The following BCAT1 variants were observed in gnomAD, a reference collection of about 807,000 sequenced individuals.
BCAT1 encodes branched-chain-amino-acid aminotransferase, cytosolic.
In BCAT1, 48 loss-of-function variants were observed where a neutral mutation model predicts 52.4. The observed-to-expected ratio is 0.92, with a 90% CI of 0.73 to 1.16. The LOEUF (loss-of-function observed/expected upper bound fraction) is 1.16. BCAT1 is among the 50% of genes most tolerant of loss of function. The pLI is 0.00. For synonymous variants in BCAT1, 167 were observed against 161.3 expected, an observed-to-expected ratio of 1.04 and a Z score of -0.27; for missense variants, 451 against 457.1, an observed-to-expected ratio of 0.99 and a Z score of 0.12.
intron 1 of BCAT1, among the ~76,000 whole-genome samples, chr12:24,941,682 A>G (rs941025147): frequency 6.6e-5 from 10 of 152,212 alleles, no homozygotes; most frequent in African/African-American, 2.4e-5. Context: ...TTCATGCTAC[A>G]ACAGAGGAAA....
chr12:24,899,777 GA>G (rs72262709), intron 2 of BCAT1, among the ~76,000 whole-genome samples: 144 of 133,968 alleles, frequency 1.1e-3, no homozygotes, highest in African/African-American at 2.8e-3. Flanking sequence ...GCCAAACACA[GA>G]AAAAAAAAAA....
chr12:24,812,605 T>C lies in BCAT1; in HGVS notation c.*5403A>G, dbSNP rs1030413531. The C allele has an allele frequency of 7.2e-5, 11 of 152,182 alleles. No individual in the cohort carries two copies. Among genetic ancestry groups the C allele is most frequent in the Middle Eastern group, 3.4e-3 (1 of 294 alleles). The allele number at this position is 152,182 out of a possible 1,614,324, so 9.4% of individuals were successfully genotyped here. On this transcript the variant is annotated 3_prime_UTR_variant, in exon 11 of 11. Coordinates refer to ENST00000261192, the MANE Select transcript of BCAT1 (RefSeq NM_005504.7). ...GCATTATTTGTATTTAGCAACTACA[T>C]TGAAAGCTGAAGAAGATCTCAATGC...
chr12:24,872,012 T>C (rs1406044549), intron 5 of BCAT1, among the ~76,000 whole-genome samples: 1 of 152,214 alleles, frequency 6.6e-6, no homozygotes, highest in African/African-American at 2.4e-5. Context: ...ATTAAATGTA[T>C]AGACAGTACC....
chr12:24,864,481 G>T (rs1371965312), intron 5 of BCAT1, among the ~76,000 whole-genome samples: 3 of 152,176 alleles, frequency 2.0e-5, no homozygotes, highest in Non-Finnish European at 4.4e-5. Context: ...GACCGTGCAA[G>T]GTGGGGGTTG....
At chr12:24,946,915 T>G (rs964103148) in intron 1 of BCAT1, among the ~76,000 whole-genome samples, 1 of 152,188 alleles carries the variant, frequency 6.6e-6, no homozygotes, top group Non-Finnish European at 1.5e-5. Flanking sequence ...AGGAAAAATA[T>G]TTTTCCCCTT....
chr12:24,884,022 T>C lies in BCAT1; in HGVS notation c.280-2611A>G, dbSNP rs775840391. ...GTTTGGGGACCCTTATCCAAAGGAA[T>C]TGAAATCAGCATGAGGTATCTGTGC... On this transcript the variant is annotated intron_variant, in intron 3 of 10. Transcript: ENST00000261192. 1.9e-4 allele frequency among the ~76,000 whole-genome samples: 29 copies of C among 152,206 alleles called. 1 individual carries two copies. Among genetic ancestry groups the C allele is most frequent in the Non-Finnish European group, 4.1e-4 (28 of 68,034 alleles).
In BCAT1 at chr12:24,816,391, T is replaced by C. The variant is rs1939876296; in HGVS notation, c.*1617A>G. 5.0e-6 allele frequency: 2 copies of C among 396,718 alleles called. No homozygotes were observed. Among genetic ancestry groups the C allele is most frequent in the East Asian group, 3.6e-5 (1 of 27,996 alleles). The allele number at this position is 396,718 out of a possible 1,614,324, so 24.6% of individuals were successfully genotyped here. On this transcript the variant is annotated 3_prime_UTR_variant, in exon 11 of 11. Transcript: ENST00000261192. ...TGAGAGTTGACCTTCCAAGGAAAAA[T>C]GTTTTCTGTCAAGATTTGACTTTCC...
intron 1 of BCAT1, among the ~76,000 whole-genome samples, chr12:24,906,760 C>G (rs1052546514): frequency 2.0e-5 from 3 of 152,180 alleles, no homozygotes; most frequent in Non-Finnish European, 4.4e-5. Context: ...AGAAACATAG[C>G]AGTTGTCCCT....
intron 7 of BCAT1, among the ~76,000 whole-genome samples, chr12:24,840,546 G>A (rs1479728200): frequency 6.6e-6 from 1 of 152,198 alleles, no homozygotes; most frequent in Admixed American, 6.5e-5. Flanking sequence ...GGAAGGATGA[G>A]AATGATCTGT....
At chr12:24,913,687 CA>C (rs1261536982) in intron 1 of BCAT1, among the ~76,000 whole-genome samples, 1 of 151,952 alleles carries the variant, frequency 6.6e-6, no homozygotes, top group Non-Finnish European at 1.5e-5. Flanking sequence ...TATGATTGGA[CA>C]AAAAAGGTAT....
chr12:24,890,596 TGTCAC>T (rs1942810435), intron 3 of BCAT1, among the ~76,000 whole-genome samples: 1 of 152,126 alleles, frequency 6.6e-6, no homozygotes, highest in East Asian at 1.9e-4. Context: ...CTCCTACCAG[TGTCAC>T]GACAATTTAC....
intron 1 of BCAT1, among the ~76,000 whole-genome samples, chr12:24,937,168 G>A (rs1376794025): frequency 2.0e-5 from 3 of 152,182 alleles, no homozygotes; most frequent in African/African-American, 7.2e-5. Flanking sequence ...TGAGATGAGG[G>A]CACTGAAAGC....
intron 4 of BCAT1, among the ~76,000 whole-genome samples, chr12:24,878,887 T>C (rs575709574): frequency 1.3e-5 from 2 of 152,230 alleles, no homozygotes; most frequent in Admixed American, 1.3e-4. Flanking sequence ...CTCATAAATA[T>C]GTATAATTTA....
chr12:24,893,115 C>A (rs1942884715), intron 3 of BCAT1, among the ~76,000 whole-genome samples: 1 of 152,066 alleles, frequency 6.6e-6, no homozygotes, highest in African/African-American at 2.4e-5. Flanking sequence ...CATGTAGGGG[C>A]TATATAACAG....
intron 1 of BCAT1, among the ~76,000 whole-genome samples, chr12:24,938,937 C>T (rs113003386): frequency 1.3e-5 from 2 of 152,038 alleles, no homozygotes; most frequent in African/African-American, 4.8e-5. Context: ...TACAGTGGTG[C>T]AATCTCAGCT....
chr12:24,874,751 G>A (rs1348797620), intron 5 of BCAT1, among the ~76,000 whole-genome samples: 4 of 152,160 alleles, frequency 2.6e-5, no homozygotes, highest in Non-Finnish European at 5.9e-5. Context: ...ATTTGGGTCT[G>A]GGCTGGGGCC....
chr12:24,842,254 A>G, intron 6 of BCAT1, 30 bp from the exon 7 acceptor site: 1 of 1,611,216 alleles, frequency 6.2e-7, no homozygotes, highest in Non-Finnish European at 8.5e-7. Flanking sequence ...CACAGGTTAC[A>G]AACATACTTC....
intron 6 of BCAT1, among the ~76,000 whole-genome samples, chr12:24,845,382 A>T (rs1044398645): frequency 1.3e-5 from 2 of 152,242 alleles, no homozygotes; most frequent in African/African-American, 2.4e-5. Flanking sequence ...AAAGACAAAG[A>T]CAACAGATAG....
At position 24,813,132 on chromosome 12, in the gene BCAT1, G is replaced by T. The variant is rs1312963803; in HGVS notation, c.*4876C>A. ...TTTTGAAGCAAATATGTTTATATAT[G>T]TCTGACCCCAGGAAATTATTTACCC... On this transcript the variant is annotated 3_prime_UTR_variant, in exon 11 of 11. Transcript: ENST00000261192. The T allele has an allele frequency of 6.6e-6, 1 of 151,644 alleles. No homozygotes were observed. The highest frequency in any genetic ancestry group is 1.5e-5 in the Non-Finnish European group (1 of 67,804). The allele number at this position is 151,644 out of a possible 1,614,324, so 9.4% of individuals were successfully genotyped here.
Sources: gnomAD v4.1 joint callset for allele counts (sites outside exome capture counted in the v4.1 genomes callset) on GRCh38, gnomAD v4.1.1 for gene constraint, MANE v1.5 for transcripts, NCBI Gene and HGNC (gene_info 2026-07-23, HGNC 2026-07-21) for gene names.